The following BBS7 variants were observed in gnomAD, a reference collection of about 807,000 sequenced individuals.
The protein encoded by BBS7 is BBSome complex member BBS7.
In BBS7, 50 loss-of-function variants were observed where a neutral mutation model predicts 90.3. The ratio of observed to expected loss-of-function variants is 0.55; its 90% CI spans 0.44 to 0.70. BBS7 has a LOEUF of 0.70. BBS7 is among the 30% of genes least tolerant of loss of function. BBS7 has a pLI of 0.00. For missense variants in BBS7, 729 were observed against 838.9 expected, an observed-to-expected ratio of 0.87 and a Z score of 1.62; for synonymous variants, 235 against 287.4, an observed-to-expected ratio of 0.82 and a Z score of 1.85.
At chr4:121,846,351 C>T (rs911029154) in intron 10 of BBS7, among the ~76,000 whole-genome samples, 1 of 152,054 alleles carries the variant, frequency 6.6e-6, no homozygotes, top group Non-Finnish European at 1.5e-5. Flanking sequence ...CTTAACTAGC[C>T]ACAGTTTAGG....
intron 11 of BBS7, among the ~76,000 whole-genome samples, chr4:121,844,281 C>G (rs2149067235): frequency 6.6e-6 from 1 of 152,310 alleles, no homozygotes; most frequent in South Asian, 2.1e-4. Context: ...AATCATCCCA[C>G]TTATTTTTAT....
intron 15 of BBS7, among the ~76,000 whole-genome samples, chr4:121,829,998 T>C (rs1348058056): frequency 6.6e-6 from 1 of 152,244 alleles, no homozygotes; most frequent in African/African-American, 2.4e-5. Context: ...CTTTTTACGA[T>C]GACCAAGTTT....
chr4:121,832,201 C>A (rs887256866), intron 15 of BBS7, among the ~76,000 whole-genome samples: 2 of 151,840 alleles, frequency 1.3e-5, no homozygotes, highest in Non-Finnish European at 2.9e-5. Flanking sequence ...ATTAGCTGGG[C>A]ATGGTGGTGC....
chr4:121,852,556 T>TA (rs1726378079), intron 8 of BBS7, among the ~76,000 whole-genome samples: 1 of 152,012 alleles, frequency 6.6e-6, no homozygotes, highest in Admixed American at 6.6e-5. Context: ...TCATTTTGCT[T>TA]AAGGTTATTT....
At chr4:121,863,455 G>A (rs886257133) in intron 2 of BBS7, among the ~76,000 whole-genome samples, 176 bp from the exon 3 acceptor site, 3 of 152,210 alleles carry the variant, frequency 2.0e-5, no homozygotes, top group East Asian at 1.9e-4. Flanking sequence ...CAAAAGAGAA[G>A]GATATGGAGA....
intron 12 of BBS7, among the ~76,000 whole-genome samples, chr4:121,843,526 T>C (rs1178744754): frequency 6.6e-6 from 1 of 152,204 alleles, no homozygotes; most frequent in Non-Finnish European, 1.5e-5. Flanking sequence ...TCTAAAATGT[T>C]CCAAAACTCT....
At chr4:121,861,809 G>T in intron 3 of BBS7, 130 bp from the exon 4 acceptor site, 1 of 890,382 alleles carries the variant, frequency 1.1e-6, no homozygotes, top group South Asian at 1.6e-5. Context: ...AATAATTTTA[G>T]ATAATAATCT....
chr4:121,827,171 GTTA>G (rs1178740849), intron 18 of BBS7, among the ~76,000 whole-genome samples: 1 of 152,156 alleles, frequency 6.6e-6, no homozygotes, highest in African/African-American at 2.4e-5. Flanking sequence ...AATCTCATAA[GTTA>G]TTATAAGGAT....
chr4:121,837,444 T>C (rs567129214), intron 13 of BBS7, among the ~76,000 whole-genome samples: 398 of 152,318 alleles, frequency 2.6e-3, no homozygotes, highest in African/African-American at 9.0e-3. Context: ...TTTTTATATA[T>C]GGCTTAAGAT....
intron 2 of BBS7, among the ~76,000 whole-genome samples, chr4:121,863,741 C>A (rs1041712722): frequency 1.3e-5 from 2 of 151,836 alleles, no homozygotes; most frequent in African/African-American, 4.8e-5. Flanking sequence ...ATTTTAAACA[C>A]CTTTTTTAAA....
chr4:121,848,213 G>A (rs938734478), intron 9 of BBS7, among the ~76,000 whole-genome samples: 23 of 152,090 alleles, frequency 1.5e-4, no homozygotes, highest in African/African-American at 4.6e-4. Context: ...CCTTATCCAC[G>A]ATTCCACTTT....
At position 121,855,524 on chromosome 4, in the gene BBS7, G is replaced by GAA; in HGVS notation, c.565_566insTT (p.Pro189LeufsTer6). The GAA allele has an allele frequency of 6.2e-7, 1 of 1,613,530 alleles. No individual in the cohort carries two copies. The highest frequency in any genetic ancestry group is 8.5e-7 in the Non-Finnish European group (1 of 1,179,726). On this transcript the variant is annotated frameshift_variant, in exon 6 of 19. Transcript: ENST00000264499. LOFTEE classifies it high-confidence loss of function. ...ATTGTGTAGTGCTAAGACAGTAGGGGGTCCAGGAACTTCAACTGCATACAT... is the reference window on the plus strand; with the variant it reads ...ATTGTGTAGTGCTAAGACAGTAGGGGAAGTCCAGGAACTTCAACTGCATACAT...
At chr4:121,847,144 A>T (rs536187184) in intron 10 of BBS7, among the ~76,000 whole-genome samples, 1 of 152,196 alleles carries the variant, frequency 6.6e-6, no homozygotes, top group Non-Finnish European at 1.5e-5. Context: ...CACACACACA[A>T]AAAAGAAAAA....
chr4:121,837,828 G>T (rs1487452336), intron 13 of BBS7, among the ~76,000 whole-genome samples: 2 of 152,146 alleles, frequency 1.3e-5, no homozygotes, highest in African/African-American at 4.8e-5. Flanking sequence ...AAGACGGTTG[G>T]GCGTGGTGGC....
intron 1 of BBS7, among the ~76,000 whole-genome samples, chr4:121,868,289 G>A (rs576877118): frequency 4.1e-4 from 63 of 152,272 alleles, no homozygotes; most frequent in African/African-American, 1.5e-3. Flanking sequence ...CTGGCAAGAT[G>A]CTTTACTAAA....
chr4:121,847,178 G>A (rs1726053333), intron 10 of BBS7, among the ~76,000 whole-genome samples: 1 of 152,110 alleles, frequency 6.6e-6, no homozygotes, highest in African/African-American at 2.4e-5. Flanking sequence ...CTAAGAAAAT[G>A]TCAATATAGA....
chr4:121,858,981 A>G lies in BBS7; in HGVS notation c.528+11T>C, dbSNP rs1269769787. On this transcript the variant is annotated intron_variant, in intron 5 of 18. Transcript: ENST00000264499. ...AATATAAAAAATTAGAAAAATACAA[A>G]TAACAGCAACCTGTAAAACTCTGAG... The G allele has an allele frequency of 9.9e-6, 16 of 1,611,402 alleles. No homozygotes were observed. Among genetic ancestry groups the G allele is most frequent in the Non-Finnish European group, 1.2e-5 (14 of 1,177,870 alleles).
intron 3 of BBS7, among the ~76,000 whole-genome samples, chr4:121,862,667 G>A (rs1727046075): frequency 6.6e-6 from 1 of 152,174 alleles, no homozygotes; most frequent in African/African-American, 2.4e-5. Context: ...TGCTGGCTTT[G>A]ATGAATTAGA....
At chr4:121,858,738 A>G (rs1200222312) in intron 5 of BBS7, 1 of 413,076 alleles carries the variant, frequency 2.4e-6, no homozygotes, top group African/African-American at 2.0e-5. Context: ...CTCCATTCTG[A>G]TAATAGCTCA....
Sources: gnomAD v4.1 joint callset for allele counts (sites outside exome capture counted in the v4.1 genomes callset) on GRCh38, gnomAD v4.1.1 for gene constraint, MANE v1.5 for transcripts, NCBI Gene and HGNC (gene_info 2026-07-23, HGNC 2026-07-21) for gene names.